The following RNF144A variants were observed in gnomAD, a reference collection of about 807,000 sequenced individuals.
RNF144A encodes the protein ring finger protein 144A.
A neutral mutation model predicts 38.7 loss-of-function variants in RNF144A; 11 were observed. The ratio of observed to expected loss-of-function variants is 0.28; its 90% CI spans 0.18 to 0.47. The LOEUF (loss-of-function observed/expected upper bound fraction) is 0.47, where lower values mean the gene tolerates loss of function less well. RNF144A is among the 20% of genes least tolerant of loss of function. The pLI, the probability that RNF144A is intolerant of heterozygous loss-of-function variation, is 0.99. For missense variants in RNF144A, 316 were observed against 377.2 expected (o/e 0.84, Z 1.34); for synonymous variants, 149 against 143.9 (o/e 1.04, Z -0.25).
intron 2 of RNF144A, among the ~76,000 whole-genome samples, chr2:6,954,699 A>C (rs192016955): frequency 6.6e-6 from 1 of 152,332 alleles, no homozygotes; most frequent in East Asian, 1.9e-4. Context: ...ATTTTCAATT[A>C]AGTAGGCACA....
chr2:7,062,434 G>T (rs191602451), intron 6 of RNF144A, among the ~76,000 whole-genome samples: 4 of 149,702 alleles, frequency 2.7e-5, no homozygotes, highest in East Asian at 4.0e-4. Context: ...CATTGCAAAG[G>T]TTATGAATAA....
chr2:6,977,398 G>GT (rs1280810388), intron 2 of RNF144A, among the ~76,000 whole-genome samples: 1 of 152,220 alleles, frequency 6.6e-6, no homozygotes, highest in African/African-American at 2.4e-5. Context: ...TTTGAACATC[G>GT]TAACATCAAT....
chr2:7,065,017 C>G (rs2103481953), intron 6 of RNF144A, among the ~76,000 whole-genome samples: 1 of 152,272 alleles, frequency 6.6e-6, no homozygotes, highest in East Asian at 1.9e-4. Flanking sequence ...CATTCTGAGA[C>G]AGCTCTGTGA....
intron 2 of RNF144A, among the ~76,000 whole-genome samples, chr2:6,992,632 G>C (rs1364988426): frequency 2.6e-5 from 4 of 152,238 alleles, no homozygotes; most frequent in Non-Finnish European, 5.9e-5. Context: ...GCTGGCAGCT[G>C]CCTACCTTTC....
chr2:7,051,037 A>G (rs576049701), intron 6 of RNF144A, among the ~76,000 whole-genome samples: 80 of 152,308 alleles, frequency 5.3e-4, no homozygotes, highest in African/African-American at 1.9e-3. Context: ...AGACCAATGC[A>G]AATGCACGGA....
chr2:7,059,932 G>A (rs181461857), intron 6 of RNF144A, among the ~76,000 whole-genome samples: 1 of 152,292 alleles, frequency 6.6e-6, no homozygotes, highest in African/African-American at 2.4e-5. Context: ...AAGTTATGTT[G>A]TTGTGGACAT....
chr2:7,066,773 T>G (rs1281686604), intron 6 of RNF144A, among the ~76,000 whole-genome samples: 1 of 152,114 alleles, frequency 6.6e-6, no homozygotes, highest in African/African-American at 2.4e-5. Context: ...GAATAAAGAG[T>G]GTCACTTCCT....
rs1480597078 is a variant in RNF144A, at chr2:6,943,459, G to A, written c.-12+2312G>A. ...CTCAGTTGAGCTTTGCGGCAAAAGG[G>A]AGCAGAGTTTGAGGTGGTATCTGGT... On this transcript the variant is annotated intron_variant, in intron 2 of 8. Coordinates refer to ENST00000320892, the MANE Select transcript of RNF144A (RefSeq NM_014746.6). The surrounding 1 kb of genome is among the most constrained non-coding windows in gnomAD (Gnocchi z 4.3). Among the ~76,000 whole-genome samples the A allele has an allele frequency of 1.3e-5, 2 of 152,334 alleles. No homozygotes were observed. Among genetic ancestry groups the A allele is most frequent in the South Asian group, 2.1e-4 (1 of 4,834 alleles).
At chr2:7,054,034 T>C (rs1475672282) in intron 6 of RNF144A, among the ~76,000 whole-genome samples, 1 of 152,138 alleles carries the variant, frequency 6.6e-6, no homozygotes, top group African/African-American at 2.4e-5. Flanking sequence ...CTTGTGCTTG[T>C]GGCCAGAGAG....
intron 2 of RNF144A, among the ~76,000 whole-genome samples, chr2:6,963,677 C>T (rs1043508966): frequency 2.0e-5 from 3 of 152,186 alleles, no homozygotes; most frequent in Non-Finnish European, 4.4e-5. Flanking sequence ...ACTCTCTTTT[C>T]CACTTTCTTC....
chr2:6,918,097 C>G lies in RNF144A; in HGVS notation c.-212+475C>G, dbSNP rs1281909324. On this transcript the variant is annotated intron_variant, in intron 1 of 8. Transcript: ENST00000320892. ...TGGAGCCTCGGCCCCAAGAGGAGGT[C>G]TGGGAAAGGACGACGCGTCCGGGGC... Among the ~76,000 whole-genome samples, 3 of 152,232 alleles carry G rather than the reference C, an allele frequency of 2.0e-5. No individual in the cohort carries two copies. The East Asian group carries it at 5.8e-4, about 30-fold the overall frequency.
rs991242078 is a variant in RNF144A, at chr2:7,041,995, A to G, written c.*2235A>G. The stretch of plus-strand genomic sequence containing the variant: ...ATGTGTTTCACAAGCACGTAGTTCA[A>G]CCCAGATAGGGACCACAGAGATTCT... On this transcript the variant is annotated 3_prime_UTR_variant, in exon 9 of 9. Coordinates refer to ENST00000320892, the MANE Select transcript of RNF144A (RefSeq NM_014746.6). 40 of 985,314 alleles carry G rather than the reference A, an allele frequency of 4.1e-5. 1 individual carries two copies. The highest frequency in any genetic ancestry group is 4.8e-5 in the Non-Finnish European group (40 of 829,942). 61.0% of individuals were successfully genotyped at this position (985,314 alleles called of 1,614,324 possible).
intron 2 of RNF144A, among the ~76,000 whole-genome samples, chr2:6,945,921 C>T (rs1033608015): frequency 6.6e-6 from 1 of 152,082 alleles, no homozygotes; most frequent in Non-Finnish European, 1.5e-5. Flanking sequence ...TGGGGAGCCC[C>T]TTGGAGCCTG....
In RNF144A at chr2:7,039,677, C is replaced by T; in HGVS notation, c.796C>T (p.Pro266Ser). ...GFGLLLLVASPFLLLATPFVL... is the reference protein window; with the variant it reads ...GFGLLLLVASSFLLLATPFVL... ...TGGGCTGCTGCTCTTGGTGGCCTCA[C>T]CTTTCCTACTCCTGGCCACTCCCTT... is the stretch of plus-strand genomic sequence containing the variant. Residue 266 changes from proline (P) to serine (S), a missense_variant, in exon 9 of 9, where the codon CCT (proline) becomes TCT (serine). By Grantham distance (74) the Pro-to-Ser change is moderately conservative. Transcript: ENST00000320892. 1 of 1,614,118 alleles carries T rather than the reference C, an allele frequency of 6.2e-7. No individual in the cohort carries two copies. Among genetic ancestry groups the T allele is most frequent in the Non-Finnish European group, 8.5e-7 (1 of 1,180,004 alleles).
intron 3 of RNF144A, among the ~76,000 whole-genome samples, chr2:7,005,025 G>A (rs1670350270): frequency 6.6e-6 from 1 of 152,200 alleles, no homozygotes; most frequent in African/African-American, 2.4e-5. Flanking sequence ...AACTGCTGCT[G>A]CTATGGTTTT....
At chr2:6,990,823 C>T (rs868682513) in intron 2 of RNF144A, among the ~76,000 whole-genome samples, 29 of 152,278 alleles carry the variant, frequency 1.9e-4, no homozygotes, top group South Asian at 1.2e-3. Context: ...CCTAAATATT[C>T]TCTGTGCTCT....
At position 7,042,005 on chromosome 2, in the gene RNF144A, G is replaced by T. The variant is rs1673073951; in HGVS notation, c.*2245G>T. On this transcript the variant is annotated 3_prime_UTR_variant, in exon 9 of 9. Coordinates refer to ENST00000320892, the MANE Select transcript of RNF144A (RefSeq NM_014746.6). ...CAAGCACGTAGTTCAACCCAGATAGGGACCACAGAGATTCTGGGGCCAGCC... is the reference window on the plus strand; with the variant it reads ...CAAGCACGTAGTTCAACCCAGATAGTGACCACAGAGATTCTGGGGCCAGCC... The T allele has an allele frequency of 1.0e-6, 1 of 985,236 alleles. No homozygotes were observed. The allele number at this position is 985,236 out of a possible 1,614,324, so 61.0% of individuals were successfully genotyped here. A position where few individuals can be genotyped will look rare whatever the true frequency, so the allele number is the denominator to read the frequency against.
intron 1 of RNF144A, among the ~76,000 whole-genome samples, chr2:6,933,957 T>C (rs1665379280): frequency 1.3e-5 from 2 of 152,200 alleles, no homozygotes; most frequent in Non-Finnish European, 2.9e-5. Flanking sequence ...TTTTTTGTTT[T>C]TGTTTTTGTT....
intron 3 of RNF144A, among the ~76,000 whole-genome samples, chr2:7,007,154 C>A (rs182724219): frequency 9.9e-5 from 15 of 152,282 alleles, no homozygotes; most frequent in Admixed American, 9.8e-4. Context: ...TTCCAGGAGG[C>A]CTGTCTAGGA....
Sources: gnomAD v4.1 joint callset for allele counts (sites outside exome capture counted in the v4.1 genomes callset) on GRCh38, gnomAD v4.1.1 for gene constraint, Gnocchi (gnomAD v3.1) non-coding constraint, MANE v1.5 for transcripts, NCBI Gene and HGNC (gene_info 2026-07-23, HGNC 2026-07-21) for gene names.